MPZL1: variants seen among roughly 807,000 people sequenced by gnomAD.
The protein encoded by MPZL1 is myelin protein zero like 1.
A neutral mutation model predicts 29.3 loss-of-function variants in MPZL1; 16 were observed. The observed-to-expected ratio is 0.55, with a 90% CI of 0.37 to 0.83. The LOEUF is 0.83. MPZL1 is among the 40% of genes least tolerant of loss of function. The pLI is 0.00. For missense variants in MPZL1, 279 were observed against 332.9 expected, an observed-to-expected ratio of 0.84 and a Z score of 1.26; for synonymous variants, 143 against 132.0, an observed-to-expected ratio of 1.08 and a Z score of -0.57.
intron 1 of MPZL1, among the ~76,000 whole-genome samples, chr1:167,757,169 C>T (rs2101773549): frequency 6.6e-6 from 1 of 152,284 alleles, no homozygotes; most frequent in South Asian, 2.1e-4. Flanking sequence ...TGCAGGGTGG[C>T]CCTGTTCCCA....
At chr1:167,784,324 ATTG>A (rs1661550697) in intron 5 of MPZL1, among the ~76,000 whole-genome samples, 1 of 152,190 alleles carries the variant, frequency 6.6e-6, no homozygotes, top group African/African-American at 2.4e-5. Context: ...TTTTCACTTT[ATTG>A]TTGTAATTCT....
At position 167,773,358 on chromosome 1, in the gene MPZL1, G is replaced by A; in HGVS notation, c.595G>A (p.Asp199Asn). The change falls in exon 4 of 6, where the codon GAT (aspartate) becomes AAT (asparagine). Residue 199 changes from aspartate (D) to asparagine (N), a missense_variant. Asp to Asn is a conservative substitution (Grantham distance 23). Transcript: ENST00000359523. ...CTATAGAAGGAAAAACTCTAAACGG[G>A]ATTACACTGGGTAAGAAACACTGTT... is the stretch of plus-strand genomic sequence containing the variant. ...VLYRRKNSKR[D>N]YTGCSTSESL... 1 of 1,613,508 alleles carries A rather than the reference G, an allele frequency of 6.2e-7. No individual in the cohort carries two copies. The highest frequency in any genetic ancestry group is 8.5e-7 in the Non-Finnish European group (1 of 1,179,736).
chr1:167,763,924 T>C (rs1661052575), intron 1 of MPZL1, among the ~76,000 whole-genome samples: 1 of 152,228 alleles, frequency 6.6e-6, no homozygotes, highest in Non-Finnish European at 1.5e-5. Context: ...GTGCCCATTA[T>C]GTCCTGAGAA....
At chr1:167,725,365 T>G (rs1660121030) in intron 1 of MPZL1, among the ~76,000 whole-genome samples, 5 of 152,178 alleles carry the variant, frequency 3.3e-5, no homozygotes, top group Admixed American at 3.3e-4. Flanking sequence ...TACTGCAACC[T>G]CCATCTCCCA....
chr1:167,763,477 G>C (rs150183692), intron 1 of MPZL1, among the ~76,000 whole-genome samples: 86 of 149,718 alleles, frequency 5.7e-4, no homozygotes, highest in African/African-American at 1.8e-3. Flanking sequence ...TCCAGCCTGA[G>C]TGACAAGATT....
chr1:167,739,633 C>T (rs77178666), intron 1 of MPZL1, among the ~76,000 whole-genome samples: 470 of 152,176 alleles, frequency 3.1e-3, no homozygotes, highest in Admixed American at 8.0e-3. Flanking sequence ...CCATGACACC[C>T]AGAGAAGCCC....
At chr1:167,752,914 T>C (rs1660786852) in intron 1 of MPZL1, among the ~76,000 whole-genome samples, 2 of 152,252 alleles carry the variant, frequency 1.3e-5, no homozygotes, top group Non-Finnish European at 2.9e-5. Flanking sequence ...TTGAGAGCTC[T>C]CTGACCACCA....
At chr1:167,736,403 C>T (rs1660379105) in intron 1 of MPZL1, among the ~76,000 whole-genome samples, 2 of 152,160 alleles carry the variant, frequency 1.3e-5, no homozygotes, top group African/African-American at 4.8e-5. Context: ...ACCAACTGAC[C>T]ATTACATACA....
intron 5 of MPZL1, 56 bp from the exon 6 acceptor site, chr1:167,787,764 G>A: frequency 7.5e-7 from 1 of 1,326,792 alleles, no homozygotes; most frequent in Non-Finnish European, 1.1e-6. Context: ...TATGCCTGTA[G>A]CTGAAGGAAC....
intron 1 of MPZL1, among the ~76,000 whole-genome samples, chr1:167,735,106 T>C (rs1489392839): frequency 2.0e-5 from 3 of 152,362 alleles, no homozygotes; most frequent in East Asian, 1.9e-4. Flanking sequence ...TATGTAGTGC[T>C]CAAGCTGGGA....
intron 1 of MPZL1, among the ~76,000 whole-genome samples, chr1:167,735,498 G>A (rs1276885099): frequency 2.6e-5 from 4 of 152,150 alleles, no homozygotes; most frequent in Admixed American, 2.0e-4. Context: ...ATGTGCATGT[G>A]TGTGTGTGTG....
intron 1 of MPZL1, among the ~76,000 whole-genome samples, chr1:167,741,330 C>CTTT (rs57675541): frequency 3.0e-5 from 4 of 132,104 alleles, no homozygotes; most frequent in East Asian, 2.2e-4. Context: ...CCTGCAGTCA[C>CTTT]TTTTTTTTTT....
chr1:167,762,028 G>C (rs1336162600), intron 1 of MPZL1, among the ~76,000 whole-genome samples: 4 of 152,176 alleles, frequency 2.6e-5, no homozygotes, highest in African/African-American at 7.2e-5. Context: ...TGGTCAATTA[G>C]GGAGTAGAGA....
intron 1 of MPZL1, among the ~76,000 whole-genome samples, chr1:167,762,294 G>T (rs944238676): frequency 6.6e-6 from 1 of 152,288 alleles, no homozygotes; most frequent in Middle Eastern, 3.4e-3. Context: ...TAGTGCTGAG[G>T]TTGAGAAGCC....
At chr1:167,722,411 G>T (rs1660051587) in intron 1 of MPZL1, among the ~76,000 whole-genome samples, 169 bp downstream of exon 1, 1 of 152,218 alleles carries the variant, frequency 6.6e-6, no homozygotes, top group African/African-American at 2.4e-5. Flanking sequence ...GGGAACGCGG[G>T]CCTCCGCGAC....
intron 1 of MPZL1, among the ~76,000 whole-genome samples, chr1:167,753,972 C>T (rs1660813021): frequency 6.6e-6 from 1 of 150,386 alleles, no homozygotes; most frequent in African/African-American, 2.4e-5. Context: ...TTTTCAAGCT[C>T]TCTTCATTAG....
At chr1:167,762,433 G>A (rs866993758) in intron 1 of MPZL1, among the ~76,000 whole-genome samples, 2 of 152,346 alleles carry the variant, frequency 1.3e-5, no homozygotes, top group East Asian at 1.9e-4. Context: ...GCGCAGCCAC[G>A]TGGCGGAAGA....
intron 5 of MPZL1, 135 bp from the exon 6 acceptor site, chr1:167,787,684 CT>C (rs1287253945): frequency 1.1e-5 from 7 of 621,566 alleles, no homozygotes; most frequent in Non-Finnish European, 8.7e-6. Flanking sequence ...CATAAGAAGT[CT>C]TCCTGAAGAC....
At chr1:167,778,892 C>T (rs1571171182) in intron 5 of MPZL1, among the ~76,000 whole-genome samples, 1 of 151,942 alleles carries the variant, frequency 6.6e-6, no homozygotes, top group African/African-American at 2.4e-5. Context: ...AAATGAAGCT[C>T]AAAGAGAAAG....
Sources: allele counts gnomAD v4.1 joint callset (sites outside exome capture counted in the v4.1 genomes callset), GRCh38; gene constraint gnomAD v4.1.1; transcripts MANE v1.5; gene names NCBI Gene and HGNC (gene_info 2026-07-23, HGNC 2026-07-21).